ARHGAP24: variants seen among roughly 807,000 people sequenced by gnomAD.
ARHGAP24 encodes the protein rho GTPase-activating protein 24.
In ARHGAP24, 50 loss-of-function variants were observed where a neutral mutation model predicts 76.4. The ratio of observed to expected loss-of-function variants is 0.65; its 90% confidence interval spans 0.52 to 0.83. The LOEUF is 0.83. Ranked by LOEUF, ARHGAP24 falls within the 40% of genes least tolerant of loss-of-function variation. The probability of loss-of-function intolerance (pLI) is 0.00; values close to 1 mark genes in which losing one functional copy is unlikely to be tolerated. For synonymous variants in ARHGAP24, 345 were observed against 323.3 expected (o/e 1.07, Z -0.72); for missense variants, 930 against 914.2 (o/e 1.02, Z -0.22).
At chr4:85,708,983 G>A (rs2110032849) in intron 2 of ARHGAP24, among the ~76,000 whole-genome samples, 1 of 152,218 alleles carries the variant, frequency 6.6e-6, no homozygotes, top group African/African-American at 2.4e-5. Flanking sequence ...TATAGATACT[G>A]AAACTCTCCA....
intron 1 of ARHGAP24, among the ~76,000 whole-genome samples, chr4:85,557,982 G>T (rs561804129): frequency 6.6e-6 from 1 of 152,128 alleles, no homozygotes; most frequent in Non-Finnish European, 1.5e-5. Flanking sequence ...TCTCACACCA[G>T]CTTGTCTCTG....
chr4:85,658,071 T>G (rs532349483), intron 2 of ARHGAP24, among the ~76,000 whole-genome samples: 1 of 152,314 alleles, frequency 6.6e-6, no homozygotes, highest in East Asian at 1.9e-4. Flanking sequence ...TATTTAATTA[T>G]TCTTCATTTA....
chr4:85,666,712 C>T (rs7689994), intron 2 of ARHGAP24, among the ~76,000 whole-genome samples: 1 of 152,148 alleles, frequency 6.6e-6, no homozygotes, highest in African/African-American at 2.4e-5. Context: ...TTCCTTTTAA[C>T]AGACAGGACC....
At chr4:85,796,419 T>C (rs1256264636) in intron 3 of ARHGAP24, among the ~76,000 whole-genome samples, 2 of 152,162 alleles carry the variant, frequency 1.3e-5, no homozygotes, top group African/African-American at 4.8e-5. Context: ...TGCATCTCAG[T>C]TGTATCAGAA....
At chr4:85,937,270 C>T (rs1254929508) in intron 4 of ARHGAP24, among the ~76,000 whole-genome samples, 1 of 152,112 alleles carries the variant, frequency 6.6e-6, no homozygotes, top group Non-Finnish European at 1.5e-5. Context: ...TAGGTTGATT[C>T]TCAGATGGCA....
At chr4:85,729,426 C>A (rs1308702944) in intron 3 of ARHGAP24, among the ~76,000 whole-genome samples, 4 of 152,108 alleles carry the variant, frequency 2.6e-5, no homozygotes, top group African/African-American at 9.7e-5. Context: ...GTACAAAGAA[C>A]GTTTTAAAAA....
intron 2 of ARHGAP24, among the ~76,000 whole-genome samples, chr4:85,620,946 T>C (rs1330582343): frequency 6.6e-6 from 1 of 152,038 alleles, no homozygotes; most frequent in Non-Finnish European, 1.5e-5. Flanking sequence ...TTTCTCCTTT[T>C]GGAGTCCCTA....
At chr4:85,738,962 C>T (rs567100069) in intron 3 of ARHGAP24, among the ~76,000 whole-genome samples, 5 of 152,270 alleles carry the variant, frequency 3.3e-5, no homozygotes, top group East Asian at 3.9e-4. Context: ...TCTTGTCTGC[C>T]GCCTGCTGTC....
chr4:85,701,109 A>C (rs557124893), intron 2 of ARHGAP24, among the ~76,000 whole-genome samples: 4 of 152,272 alleles, frequency 2.6e-5, no homozygotes, highest in African/African-American at 9.6e-5. Flanking sequence ...ATTTTTAAAG[A>C]AAAGGTTTAT....
intron 1 of ARHGAP24, among the ~76,000 whole-genome samples, chr4:85,487,801 T>C (rs1723173718): frequency 8.8e-6 from 1 of 113,628 alleles, no homozygotes; most frequent in Non-Finnish European, 1.7e-5. Context: ...TAAATATATA[T>C]TTATTACATA....
At chr4:85,767,960 A>G (rs560304950) in intron 3 of ARHGAP24, among the ~76,000 whole-genome samples, 29 of 152,296 alleles carry the variant, frequency 1.9e-4, no homozygotes, top group South Asian at 4.2e-4. Flanking sequence ...GAATTGCTCT[A>G]AACTTGAAAA....
At position 85,495,420 on chromosome 4, in the gene ARHGAP24, G is replaced by T. The variant is rs372931273; in HGVS notation, c.-21+19861G>T. On this transcript the variant is annotated intron_variant, in intron 1 of 9. Coordinates refer to ENST00000395184, the MANE Select transcript of ARHGAP24 (RefSeq NM_001025616.3). ...GGCTGGAGTGTAGTGGCGCGATCTCGGCTCACTGCAAGCCTTGCCTCCCGG... is the reference window on the plus strand; with the variant it reads ...GGCTGGAGTGTAGTGGCGCGATCTCTGCTCACTGCAAGCCTTGCCTCCCGG... Among the ~76,000 whole-genome samples the T allele has an allele frequency of 2.8e-3, 400 of 143,956 alleles. 2 individuals carry two copies. Among genetic ancestry groups the T allele is most frequent in the African/African-American group, 9.3e-3 (354 of 37,864 alleles). The allele number at this position is 143,956 out of a possible 152,430, so 94.4% of individuals were successfully genotyped here.
At chr4:85,535,110 G>C (rs1487360405) in intron 1 of ARHGAP24, among the ~76,000 whole-genome samples, 2 of 152,054 alleles carry the variant, frequency 1.3e-5, no homozygotes, top group African/African-American at 4.8e-5. Context: ...TAAAAGCTCA[G>C]TTTTAGATAC....
At chr4:85,797,822 C>T (rs146111285) in intron 3 of ARHGAP24, among the ~76,000 whole-genome samples, 129 of 152,290 alleles carry the variant, frequency 8.5e-4, no homozygotes, top group African/African-American at 3.1e-3. Context: ...GCTTTCCCAA[C>T]CCTGCCCTCC....
intron 1 of ARHGAP24, among the ~76,000 whole-genome samples, chr4:85,551,569 T>C (rs1356776569): frequency 1.3e-5 from 2 of 152,010 alleles, no homozygotes; most frequent in Non-Finnish European, 2.9e-5. Flanking sequence ...TGGAGAGGAG[T>C]TCCTTCTCCT....
intron 3 of ARHGAP24, among the ~76,000 whole-genome samples, chr4:85,888,522 CA>C (rs1380363975): frequency 1.3e-5 from 2 of 151,492 alleles, no homozygotes; most frequent in Admixed American, 1.3e-4. Flanking sequence ...TTATATTAGT[CA>C]AAAAAGTTTA....
intron 3 of ARHGAP24, among the ~76,000 whole-genome samples, chr4:85,783,484 A>G (rs912915097): frequency 6.6e-6 from 1 of 151,308 alleles, no homozygotes; most frequent in Non-Finnish European, 1.5e-5. Context: ...TTTTTTTTTA[A>G]GAGTAGGAGA....
chr4:85,545,379 C>T (rs1725879252), intron 1 of ARHGAP24, among the ~76,000 whole-genome samples: 1 of 152,154 alleles, frequency 6.6e-6, no homozygotes, highest in African/African-American at 2.4e-5. Flanking sequence ...GGATTACAGA[C>T]GTGAGCCACC....
intron 2 of ARHGAP24, among the ~76,000 whole-genome samples, chr4:85,694,390 C>T (rs897097817): frequency 1.3e-5 from 2 of 152,148 alleles, no homozygotes; most frequent in Admixed American, 6.5e-5. Context: ...CAAAAATTCA[C>T]TCATCAGCCA....
Sources: allele counts gnomAD v4.1 joint callset (sites outside exome capture counted in the v4.1 genomes callset), GRCh38; gene constraint gnomAD v4.1.1; transcripts MANE v1.5; gene names NCBI Gene and HGNC (gene_info 2026-07-23, HGNC 2026-07-21).